The following ADGRL3 variants were observed in gnomAD, a reference collection of about 807,000 sequenced individuals.
ADGRL3 encodes adhesion G protein-coupled receptor L3, also known as calcium-independent alpha-latrotoxin receptor 3.
Under a neutral mutation model 153.5 loss-of-function variants are expected in ADGRL3, and 62 were observed. That is an observed-to-expected ratio of 0.40 (90% CI 0.33 to 0.50). The LOEUF (loss-of-function observed/expected upper bound fraction) is 0.50. Ranked by LOEUF, ADGRL3 falls within the 20% of genes least tolerant of loss-of-function variation. The pLI is 0.47. For synonymous variants in ADGRL3, 710 were observed against 672.5 expected (o/e 1.06, Z -0.86); for missense variants, 1,641 against 1,859.4 (o/e 0.88, Z 2.16).
intron 2 of ADGRL3, among the ~76,000 whole-genome samples, chr4:61,421,506 T>C (rs1172665062): frequency 6.6e-6 from 1 of 152,348 alleles, no homozygotes; most frequent in Admixed American, 6.5e-5. Context: ...TACTATTTAT[T>C]GTTATTCCAG....
intron 8 of ADGRL3, among the ~76,000 whole-genome samples, chr4:61,776,371 T>G (rs2097151859): frequency 6.6e-6 from 1 of 152,192 alleles, no homozygotes; most frequent in Admixed American, 6.5e-5. Context: ...TTATTTTTTT[T>G]ACTACTAAAA....
chr4:61,376,182 A>G (rs2096600413), intron 1 of ADGRL3, among the ~76,000 whole-genome samples: 1 of 152,138 alleles, frequency 6.6e-6, no homozygotes, highest in Non-Finnish European at 1.5e-5. Flanking sequence ...CATGATATAA[A>G]CTGCAGGGTA....
At chr4:61,740,530 T>C (rs2151909673) in intron 8 of ADGRL3, among the ~76,000 whole-genome samples, 1 of 152,340 alleles carries the variant, frequency 6.6e-6, no homozygotes, top group East Asian at 1.9e-4. Context: ...AGAGAGGTAT[T>C]TTCTTTGACT....
intron 9 of ADGRL3, among the ~76,000 whole-genome samples, chr4:61,821,353 A>G (rs113558046): frequency 1.8e-3 from 215 of 122,700 alleles, no homozygotes; most frequent in African/African-American, 4.6e-3. Flanking sequence ...TTATTTATTT[A>G]TTTGTTTATT....
intron 6 of ADGRL3, among the ~76,000 whole-genome samples, chr4:61,722,781 C>T (rs1476368494): frequency 1.3e-5 from 2 of 152,054 alleles, no homozygotes; most frequent in Non-Finnish European, 2.9e-5. Context: ...CTAAAATAAA[C>T]TCTGATTTGG....
At chr4:61,856,824 G>A (rs2098273186) in intron 9 of ADGRL3, among the ~76,000 whole-genome samples, 1 of 150,536 alleles carries the variant, frequency 6.6e-6, no homozygotes, top group African/African-American at 2.4e-5. Context: ...GATTGGTCTC[G>A]AACTCCTGAC....
In ADGRL3 at chr4:62,076,899, A is replaced by G. The variant is rs1342679079; in HGVS notation, c.*5991A>G. 1.3e-5 allele frequency: 2 copies of G among 151,596 alleles called. No homozygotes were observed. Among genetic ancestry groups the G allele is most frequent in the African/African-American group, 4.8e-5 (2 of 41,372 alleles). 9.4% of individuals were successfully genotyped at this position (151,596 alleles called of 1,614,324 possible). A position where few individuals can be genotyped will look rare whatever the true frequency, so the allele number is the denominator to read the frequency against. ...TTCTAATACATATGAAATTAATATT[A>G]TATTAGAATTATGTACATTATACAA... On this transcript the variant is annotated 3_prime_UTR_variant, in exon 27 of 27. Coordinates refer to ENST00000683033, the MANE Select transcript of ADGRL3 (RefSeq NM_001387552.1).
chr4:61,406,003 C>T (rs1426275741), intron 2 of ADGRL3, among the ~76,000 whole-genome samples: 2 of 151,930 alleles, frequency 1.3e-5, no homozygotes, highest in Non-Finnish European at 2.9e-5. Flanking sequence ...CAGGAATAAA[C>T]AAACTTCAAA....
intron 5 of ADGRL3, among the ~76,000 whole-genome samples, chr4:61,674,041 A>G (rs1297651250): frequency 1.3e-5 from 2 of 151,374 alleles, no homozygotes; most frequent in Admixed American, 1.3e-4. Context: ...AATGGTAACT[A>G]ATATTTACAA....
At chr4:61,249,015 C>G (rs1758157155) in intron 1 of ADGRL3, among the ~76,000 whole-genome samples, 2 of 152,118 alleles carry the variant, frequency 1.3e-5, no homozygotes, top group African/African-American at 4.8e-5. Context: ...TCTTGCTAAG[C>G]TTGCTTCTCC....
intron 1 of ADGRL3, among the ~76,000 whole-genome samples, chr4:61,327,473 C>G (rs10030989): frequency 6.6e-6 from 1 of 151,466 alleles, no homozygotes; most frequent in African/African-American, 2.4e-5. Flanking sequence ...CATTTAAGAA[C>G]GATGAAAACT....
At chr4:61,390,123 T>C (rs978360360) in intron 2 of ADGRL3, among the ~76,000 whole-genome samples, 2 of 152,220 alleles carry the variant, frequency 1.3e-5, no homozygotes, top group Non-Finnish European at 2.9e-5. Flanking sequence ...AATTTTAAAA[T>C]AATGACTAAT....
chr4:62,032,514 A>G (rs1312208580), intron 23 of ADGRL3, among the ~76,000 whole-genome samples: 2 of 151,524 alleles, frequency 1.3e-5, no homozygotes, highest in Non-Finnish European at 3.0e-5. Flanking sequence ...CAGTTTACTC[A>G]TGTGTGACAT....
At chr4:61,261,724 T>C (rs2149601501) in intron 1 of ADGRL3, among the ~76,000 whole-genome samples, 1 of 152,308 alleles carries the variant, frequency 6.6e-6, no homozygotes, top group African/African-American at 2.4e-5. Context: ...CAAAACATAA[T>C]ATAGTGTTAC....
chr4:61,873,234 G>A (rs1163974992), intron 9 of ADGRL3, among the ~76,000 whole-genome samples: 2 of 152,116 alleles, frequency 1.3e-5, no homozygotes, highest in East Asian at 1.9e-4. Flanking sequence ...ATTGAACATC[G>A]TTGAAAGGCA....
In ADGRL3 at chr4:61,547,265, T is replaced by G. The variant is rs74892175; in HGVS notation, c.259+29747T>G. ...CACAATAATTTTCTGGGTTTTTTGG[T>G]TTTTTTTACTTTTTTTTTTTTAGAT... On this transcript the variant is annotated intron_variant, in intron 4 of 26. Transcript: ENST00000683033. Among the ~76,000 whole-genome samples, 1,406 of 151,762 alleles carry G rather than the reference T, an allele frequency of 9.3e-3. 106 individuals carry two copies. The East Asian group carries it at 0.18, about 20-fold the overall frequency.
At chr4:61,505,940 A>G (rs1001195654) in intron 3 of ADGRL3, among the ~76,000 whole-genome samples, 37 of 152,242 alleles carry the variant, frequency 2.4e-4, no homozygotes, top group African/African-American at 7.7e-4. Flanking sequence ...TTCAGGAACT[A>G]TAGAAGATGA....
chr4:61,991,764 G>A (rs1221805968), intron 19 of ADGRL3, among the ~76,000 whole-genome samples: 1 of 151,314 alleles, frequency 6.6e-6, no homozygotes, highest in African/African-American at 2.4e-5. Context: ...ATAAGCTGGG[G>A]CCTAGATTTA....
intron 4 of ADGRL3, among the ~76,000 whole-genome samples, chr4:61,539,334 C>A (rs565334200): frequency 1.3e-5 from 2 of 152,308 alleles, no homozygotes; most frequent in Non-Finnish European, 1.5e-5. Context: ...CAGGAGACGG[C>A]CTTCTCTCCA....
Sources: gnomAD v4.1 joint callset for allele counts (sites outside exome capture counted in the v4.1 genomes callset) on GRCh38, gnomAD v4.1.1 for gene constraint, MANE v1.5 for transcripts, NCBI Gene and HGNC (gene_info 2026-07-23, HGNC 2026-07-21) for gene names.